The following ASIC2 variants were observed in gnomAD, a reference collection of about 807,000 sequenced individuals.
ASIC2 encodes the protein acid-sensing ion channel 2.
A neutral mutation model predicts 57.3 loss-of-function variants in ASIC2; 25 were observed. The observed-to-expected ratio is 0.44, with a 90% confidence interval of 0.32 to 0.61. ASIC2 has a LOEUF of 0.61. ASIC2 is among the 20% of genes least tolerant of loss of function. ASIC2 has a pLI of 0.06. For synonymous variants in ASIC2, 319 were observed against 307.5 expected, an observed-to-expected ratio of 1.04 and a Z score of -0.39; for missense variants, 641 against 738.1, an observed-to-expected ratio of 0.87 and a Z score of 1.52.
chr17:33,430,466 T>C (rs1262458065), intron 1 of ASIC2, among the ~76,000 whole-genome samples: 1 of 152,212 alleles, frequency 6.6e-6, no homozygotes, highest in Non-Finnish European at 1.5e-5. Context: ...GGCTCCTGGA[T>C]ACCCTACTTC....
At chr17:33,986,748 G>A (rs1343552694) in intron 1 of ASIC2, among the ~76,000 whole-genome samples, 1 of 152,002 alleles carries the variant, frequency 6.6e-6, no homozygotes, top group African/African-American at 2.4e-5. Flanking sequence ...ATCCTTTGAG[G>A]TGAGTCTTAA....
At chr17:33,874,288 C>T (rs1208355021) in intron 1 of ASIC2, among the ~76,000 whole-genome samples, 2 of 152,136 alleles carry the variant, frequency 1.3e-5, no homozygotes, top group Non-Finnish European at 2.9e-5. Flanking sequence ...GACTTTAGAC[C>T]TCTGCTTCAA....
At chr17:33,648,403 G>A (rs1476643924) in intron 1 of ASIC2, among the ~76,000 whole-genome samples, 3 of 152,178 alleles carry the variant, frequency 2.0e-5, no homozygotes, top group Non-Finnish European at 2.9e-5. Context: ...TGAGCACTTC[G>A]CATGTTGTTC....
At chr17:33,870,432 C>A (rs1914373290) in intron 1 of ASIC2, among the ~76,000 whole-genome samples, 1 of 151,662 alleles carries the variant, frequency 6.6e-6, no homozygotes. Context: ...GCCCACAACA[C>A]TTTGCTTGAC....
At chr17:34,117,689 T>C (rs1324331602) in intron 1 of ASIC2, among the ~76,000 whole-genome samples, 2 of 152,090 alleles carry the variant, frequency 1.3e-5, no homozygotes, top group African/African-American at 4.8e-5. Context: ...GGATTCAAGA[T>C]ATGTTTCTTA....
chr17:33,349,475 A>C (rs906790372), intron 1 of ASIC2, among the ~76,000 whole-genome samples: 1 of 152,110 alleles, frequency 6.6e-6, no homozygotes, highest in Non-Finnish European at 1.5e-5. Context: ...GTTGAAAAAC[A>C]GTTCTCCAGG....
rs369295495 is a variant in ASIC2, at chr17:33,624,340, A to C, written c.556-512273T>G. 7.2e-5 allele frequency among the ~76,000 whole-genome samples: 11 copies of C among 152,320 alleles called. No individual in the cohort carries two copies. The East Asian group carries it at 1.5e-3, about 21-fold the overall frequency. On this transcript the variant is annotated intron_variant, in intron 1 of 9. Transcript: ENST00000359872. Reference sequence around the variant, plus strand: ...GCATGCTGGAAAGAGATGGTGGTGAAGATCCATGTCTGTCGGGAGGTCACC... The same window carrying C: ...GCATGCTGGAAAGAGATGGTGGTGACGATCCATGTCTGTCGGGAGGTCACC...
intron 1 of ASIC2, among the ~76,000 whole-genome samples, chr17:33,185,918 G>C (rs1906174338): frequency 6.6e-6 from 1 of 152,310 alleles, no homozygotes; most frequent in African/African-American, 2.4e-5. Flanking sequence ...CCATAGGCAA[G>C]GGCTGTCCTG....
chr17:33,681,079 A>G lies in ASIC2; in HGVS notation c.555+474899T>C, dbSNP rs530248839. ...CAGTGGTCTCTGGTCCCGATCCACA[A>G]TGATAAACTGGCCTGCATCCAGCCC... is the stretch of plus-strand genomic sequence containing the variant. On this transcript the variant is annotated intron_variant, in intron 1 of 9. Coordinates refer to the ASIC2 transcript ENST00000359872. Among the ~76,000 whole-genome samples, 45 of 152,280 alleles carry G rather than the reference A, an allele frequency of 3.0e-4. 1 individual carries two copies. The South Asian group carries it at 8.1e-3, about 27-fold the overall frequency.
rs947322574 is a variant in ASIC2 at position 33,023,969 on chromosome 17, G to T, written c.1241C>A (p.Pro414His). Residue 414 changes from proline to histidine, a missense_variant, in exon 6 of 10, where the codon CCC (proline) becomes CAC (histidine). Around this residue, in one of 3 missense-constraint regions of ASIC2, gnomAD observed 252 missense variants for 319.8 expected, o/e 0.79. Transcript: ENST00000225823. ...TTTGTTGTAGCGGGTTAGGTTGCAG[G>T]GTGTCCTGCAGAGACAGTAATTGCT... The part of the protein sequence containing the change: ...KDSNYCLCRT[P>H]CNLTRYNKEL... 1 of 1,614,204 alleles carries T rather than the reference G, an allele frequency of 6.2e-7. No homozygotes were observed. Among genetic ancestry groups the T allele is most frequent in the Non-Finnish European group, 8.5e-7 (1 of 1,180,050 alleles).
intron 1 of ASIC2, among the ~76,000 whole-genome samples, chr17:33,744,703 A>G (rs1597858833): frequency 6.6e-6 from 1 of 152,372 alleles, no homozygotes; most frequent in East Asian, 1.9e-4. Context: ...AAAGCAGGCA[A>G]CAAAACTGCC....
intron 1 of ASIC2, among the ~76,000 whole-genome samples, chr17:33,899,651 G>A (rs1286570457): frequency 6.6e-6 from 1 of 152,158 alleles, no homozygotes; most frequent in Non-Finnish European, 1.5e-5. Context: ...CTATAAGAGG[G>A]CCTTGGAGAC....
Position 33,532,851 on chromosome 17 carries a change from C to A in ASIC2, c.556-420784G>T, listed in dbSNP as rs1229692925. On this transcript the variant is annotated intron_variant, in intron 1 of 9. Transcript: ENST00000359872. ...AGAGCAGTATTTCTCAGCCTTGGGA[C>A]TGGTGGCAATTTGGGGCTAGATAAC... Among the ~76,000 whole-genome samples, 4 of 152,218 alleles carry A rather than the reference C, an allele frequency of 2.6e-5. No homozygotes were observed. The East Asian group carries it at 7.7e-4, about 29-fold the overall frequency.
intron 1 of ASIC2, among the ~76,000 whole-genome samples, chr17:33,133,534 C>T (rs1379232020): frequency 6.6e-6 from 1 of 152,174 alleles, no homozygotes; most frequent in African/African-American, 2.4e-5. Context: ...GGATGGGAAA[C>T]TTAGACTCTC....
intron 1 of ASIC2, among the ~76,000 whole-genome samples, chr17:34,044,333 T>C (rs1205828430): frequency 6.6e-6 from 1 of 152,116 alleles, no homozygotes; most frequent in African/African-American, 2.4e-5. Flanking sequence ...CATACAGTAT[T>C]TTAGGCCAAT....
rs1385158875 is a variant in ASIC2, at chr17:33,464,575, C to A, written c.556-352508G>T. Among the ~76,000 whole-genome samples, 5 of 121,936 alleles carry A rather than the reference C, an allele frequency of 4.1e-5. 1 individual carries two copies. Among genetic ancestry groups the A allele is most frequent in the Admixed American group, 8.7e-5 (1 of 11,550 alleles). 80.0% of individuals were successfully genotyped at this position (121,936 alleles called of 152,430 possible). ...CTTTCTTTCTTTCTTTTCTCTCTTTCTCTCTTTATCTCTTTCTTTCTCTCT... is the reference window on the plus strand; with the variant it reads ...CTTTCTTTCTTTCTTTTCTCTCTTTATCTCTTTATCTCTTTCTTTCTCTCT... On this transcript the variant is annotated intron_variant, in intron 1 of 9. Coordinates refer to the ASIC2 transcript ENST00000359872.
At chr17:33,238,265 T>C (rs1186592923) in intron 1 of ASIC2, among the ~76,000 whole-genome samples, 5 of 152,164 alleles carry the variant, frequency 3.3e-5, no homozygotes, top group African/African-American at 1.2e-4. Context: ...CTGCAAGATT[T>C]TTGGACTACG....
intron 1 of ASIC2, among the ~76,000 whole-genome samples, chr17:34,030,925 A>C (rs1003448619): frequency 1.3e-5 from 2 of 152,360 alleles, no homozygotes; most frequent in South Asian, 4.1e-4. Context: ...TGTAGGCTCC[A>C]CCTCTGGGTG....
intron 1 of ASIC2, among the ~76,000 whole-genome samples, chr17:33,579,732 G>A (rs780737863): frequency 3.0e-4 from 45 of 152,128 alleles, no homozygotes; most frequent in African/African-American, 9.9e-4. Flanking sequence ...AAAGTAGTGC[G>A]GACCCAAACA....
Sources: allele counts gnomAD v4.1 joint callset (sites outside exome capture counted in the v4.1 genomes callset), GRCh38; gene constraint gnomAD v4.1.1; regional missense constraint gnomAD v4.1.1; transcripts MANE v1.5; gene names NCBI Gene and HGNC (gene_info 2026-07-23, HGNC 2026-07-21).